Variants in EPHB1 observed in about 807,000 individuals in gnomAD.
EPHB1 encodes the protein EPH receptor B1.
A neutral mutation model predicts 94.4 loss-of-function variants in EPHB1; 30 were observed. The observed-to-expected ratio is 0.32, with a 90% CI of 0.24 to 0.43. The LOEUF is 0.43. Among genes scored for constraint, EPHB1 ranks in the 20% least tolerant of loss-of-function variants. EPHB1 has a pLI of 1.00. For missense variants in EPHB1, 1,055 were observed against 1,308.3 expected (o/e 0.81, Z 2.99); for synonymous variants, 522 against 489.1 (o/e 1.07, Z -0.89).
rs1478700661 is a variant in EPHB1 at position 134,795,682 on chromosome 3, G to A, written c.51G>A (p.Ala17=). The change falls in exon 1 of 16, where the codon GCG becomes GCA. Residue 17 remains alanine, a synonymous_variant. Transcript: ENST00000398015. ...TCCTCCTGGCATCCGCAGTGGCTGC[G>A]ATGGAAGGTAACGTACCCTCCACGG... The part of the protein sequence containing the change: ...LLLLLASAVA[A]MEETLMDTRT... 1.2e-6 allele frequency: 2 copies of A among 1,609,978 alleles called. No individual in the cohort carries two copies. The highest frequency in any genetic ancestry group is 1.7e-5 in the Admixed American group (1 of 59,834).
chr3:134,872,112 G>C (rs1302104778), intron 1 of EPHB1, among the ~76,000 whole-genome samples: 2 of 152,074 alleles, frequency 1.3e-5, no homozygotes, highest in African/African-American at 4.8e-5. Flanking sequence ...TTTCCCTCTG[G>C]TACATTCTGT....
At chr3:134,863,992 C>A (rs1214354509) in intron 1 of EPHB1, among the ~76,000 whole-genome samples, 2 of 152,278 alleles carry the variant, frequency 1.3e-5, no homozygotes, top group East Asian at 1.9e-4. Flanking sequence ...GGTGGGAAAT[C>A]TACAGCATAC....
chr3:135,190,356 A>C (rs564256543), intron 10 of EPHB1, among the ~76,000 whole-genome samples: 1 of 152,324 alleles, frequency 6.6e-6, no homozygotes, highest in South Asian at 2.1e-4. Context: ...CTTTTTTCTA[A>C]AAGAAAATAG....
chr3:135,092,523 C>A (rs1205439132), intron 3 of EPHB1, among the ~76,000 whole-genome samples: 1 of 152,192 alleles, frequency 6.6e-6, no homozygotes, highest in East Asian at 1.9e-4. Context: ...AGAACTGATA[C>A]TGTTTCCCTG....
In EPHB1 at chr3:134,923,625, T is replaced by C. The variant is rs532629409; in HGVS notation, c.59-2191T>C. ...GCATTTCTCTTGTGGAGTGGGTAGC[T>C]CTTTGGGATTGAGTGAGCAATGAGA... On this transcript the variant is annotated intron_variant, in intron 1 of 15. Coordinates refer to ENST00000398015, the MANE Select transcript of EPHB1 (RefSeq NM_004441.5). Among the ~76,000 whole-genome samples the C allele has an allele frequency of 2.0e-5, 3 of 152,310 alleles. No homozygotes were observed. The South Asian group carries it at 6.2e-4, about 32-fold the overall frequency.
At chr3:134,929,309 A>C (rs945099324) in intron 2 of EPHB1, among the ~76,000 whole-genome samples, 1 of 152,308 alleles carries the variant, frequency 6.6e-6, no homozygotes, top group Non-Finnish European at 1.5e-5. Context: ...AGGGTGAGGC[A>C]TGTGGAGTCC....
chr3:135,136,711 G>A (rs773362592), intron 5 of EPHB1, among the ~76,000 whole-genome samples: 1 of 152,196 alleles, frequency 6.6e-6, no homozygotes, highest in African/African-American at 2.4e-5. Flanking sequence ...ATAGTGGACT[G>A]TGTAAGTCGT....
intron 11 of EPHB1, among the ~76,000 whole-genome samples, chr3:135,196,472 G>C (rs1942619723): frequency 6.6e-6 from 1 of 152,068 alleles, no homozygotes; most frequent in Non-Finnish European, 1.5e-5. Flanking sequence ...AGGAGAGGGG[G>C]AAATGAAGCG....
At position 134,868,959 on chromosome 3, in the gene EPHB1, C is replaced by T. The variant is rs1351941029; in HGVS notation, c.59-56857C>T. On this transcript the variant is annotated intron_variant, in intron 1 of 15. Transcript: ENST00000398015. ...GCCTGCAGGGCCTGATAAGCTCTTA[C>T]CTGAGACAAGAGTAATTGGATTCAA... Among the ~76,000 whole-genome samples, 6 of 152,346 alleles carry T rather than the reference C, an allele frequency of 3.9e-5. No individual in the cohort carries two copies. The South Asian group carries it at 6.2e-4, about 16-fold the overall frequency.
At position 134,967,963 on chromosome 3, in the gene EPHB1, C is replaced by T. The variant is rs115573433; in HGVS notation, c.805+15911C>T. On this transcript the variant is annotated intron_variant, in intron 3 of 15. Coordinates refer to ENST00000398015, the MANE Select transcript of EPHB1 (RefSeq NM_004441.5). ...ACACAGGTGTGTTTCCCTGAACCCT[C>T]AGTGCAGTCTATCTTGGCCCTGTCC... Among the ~76,000 whole-genome samples the T allele has an allele frequency of 6.4e-3, 981 of 152,336 alleles. 7 individuals are homozygous for T. Among genetic ancestry groups the T allele is most frequent in the African/African-American group, 0.022 (928 of 41,570 alleles).
chr3:134,878,442 A>G (rs1247925881), intron 1 of EPHB1, among the ~76,000 whole-genome samples: 1 of 152,160 alleles, frequency 6.6e-6, no homozygotes, highest in Non-Finnish European at 1.5e-5. Flanking sequence ...GATAGAGGAG[A>G]CTGGCTGAAG....
chr3:134,877,387 C>T (rs572817098), intron 1 of EPHB1, among the ~76,000 whole-genome samples: 2 of 152,116 alleles, frequency 1.3e-5, no homozygotes, highest in Admixed American at 6.5e-5. Context: ...GTTGCTAAGC[C>T]CCCTGACCCC....
Position 135,248,389 on chromosome 3 carries a change from T to C in EPHB1, c.2570T>C (p.Met857Thr). The C allele has an allele frequency of 6.2e-7, 1 of 1,613,996 alleles. No homozygotes were observed. Among genetic ancestry groups the C allele is most frequent in the Non-Finnish European group, 8.5e-7 (1 of 1,179,908 alleles). ...TGTCCAGCTGCTCTACACCAGCTCA[T>C]GCTGGACTGTTGGCAGAAGGACCGG... ...MDCPAALHQL[M>T]LDCWQKDRNS... The change falls in exon 14 of 16, where the codon ATG becomes ACG. Residue 857 changes from methionine to threonine, a missense_variant. Coordinates refer to ENST00000398015, the MANE Select transcript of EPHB1 (RefSeq NM_004441.5).
chr3:134,881,777 T>C (rs554562801), intron 1 of EPHB1, among the ~76,000 whole-genome samples: 2 of 152,380 alleles, frequency 1.3e-5, no homozygotes, highest in African/African-American at 4.8e-5. Flanking sequence ...GCATGGATCT[T>C]ATTTTTAATC....
At chr3:134,865,487 A>G (rs1291477877) in intron 1 of EPHB1, among the ~76,000 whole-genome samples, 1 of 152,190 alleles carries the variant, frequency 6.6e-6, no homozygotes, top group Non-Finnish European at 1.5e-5. Flanking sequence ...ATTTCTAGTA[A>G]TATATCTTAC....
chr3:134,953,342 G>T (rs1308416228), intron 3 of EPHB1, among the ~76,000 whole-genome samples: 1 of 152,270 alleles, frequency 6.6e-6, no homozygotes, highest in African/African-American at 2.4e-5. Flanking sequence ...AGAACAGGGA[G>T]CTGCGCCTTT....
chr3:135,198,244 G>A (rs1942673924), intron 11 of EPHB1, among the ~76,000 whole-genome samples: 1 of 152,146 alleles, frequency 6.6e-6, no homozygotes, highest in African/African-American at 2.4e-5. Flanking sequence ...TTACCATTCT[G>A]AACTTTGATT....
intron 3 of EPHB1, among the ~76,000 whole-genome samples, chr3:135,010,035 T>C (rs1230244098): frequency 6.6e-6 from 1 of 152,158 alleles, no homozygotes; most frequent in Non-Finnish European, 1.5e-5. Flanking sequence ...GCTAATTAGG[T>C]GAATTCAAAC....
chr3:135,007,273 T>A (rs1935453266), intron 3 of EPHB1, among the ~76,000 whole-genome samples: 1 of 152,208 alleles, frequency 6.6e-6, no homozygotes, highest in South Asian at 2.1e-4. Flanking sequence ...GGTACACAGC[T>A]AATGACAGGA....
Sources: gnomAD v4.1 joint callset for allele counts (sites outside exome capture counted in the v4.1 genomes callset) on GRCh38, gnomAD v4.1.1 for gene constraint, MANE v1.5 for transcripts, NCBI Gene and HGNC (gene_info 2026-07-23, HGNC 2026-07-21) for gene names.